The following ZBTB12 variants were observed in gnomAD, a reference collection of about 807,000 sequenced individuals.
The protein encoded by ZBTB12 is zinc finger and BTB domain containing 12.
In ZBTB12, 1 loss-of-function variant was observed where a neutral mutation model predicts 6.4. That is an observed-to-expected ratio of 0.16 (90% CI 0.06 to 0.74). The LOEUF is 0.74. Ranked by LOEUF, ZBTB12 falls within the 30% of genes least tolerant of loss-of-function variation. The pLI, the probability that ZBTB12 is intolerant of heterozygous loss-of-function variation, is 0.78. For missense variants in ZBTB12, 344 were observed against 613.9 expected (o/e 0.56, Z 4.65); for synonymous variants, 273 against 262.5 (o/e 1.04, Z -0.39).
rs1311934802 is a variant in ZBTB12 at position 31,900,489 on chromosome 6, C to T, written c.817G>A (p.Ala273Thr). Residue 273 changes from alanine (A) to threonine (T), a missense_variant, in exon 2 of 2, where the codon GCA becomes ACA. By Grantham distance (58) the Ala-to-Thr change is moderately conservative. Coordinates refer to ENST00000375527, the MANE Select transcript of ZBTB12 (RefSeq NM_181842.3). This position sits in a 1 kb window ranked among gnomAD's most constrained non-coding sequence, Gnocchi z 9.7. ...VKACYSLSED[A>T]EGEGLLLIPG... ...ATCAACAGCAGGCCCTCCCCTTCTG[C>T]ATCTTCCGACAGGCTATAGCAGGCC... 1 of 1,608,846 alleles carries T rather than the reference C, an allele frequency of 6.2e-7. No individual in the cohort carries two copies. Among genetic ancestry groups the T allele is most frequent in the Non-Finnish European group, 8.5e-7 (1 of 1,179,078 alleles).
Position 31,899,743 on chromosome 6 carries a change from G to A in ZBTB12, c.*183C>T. ...ACCCTTTTCCCAGCTCCAGATTCTT[G>A]CACTCTCAAGAGCAAGTCTCTCCAA... On this transcript the variant is annotated 3_prime_UTR_variant, in exon 2 of 2. Transcript: ENST00000375527. 3.1e-6 allele frequency: 2 copies of A among 643,630 alleles called. No individual in the cohort carries two copies. Among genetic ancestry groups the A allele is most frequent in the Non-Finnish European group, 5.1e-6 (2 of 390,314 alleles). The allele number at this position is 643,630 out of a possible 1,614,324, so 39.9% of individuals were successfully genotyped here. A position where few individuals can be genotyped will look rare whatever the true frequency, so the allele number is the denominator to read the frequency against.
chr6:31,900,894 C>T lies in ZBTB12; in HGVS notation c.412G>A (p.Val138Ile), dbSNP rs1767190714. The T allele has an allele frequency of 6.2e-7, 1 of 1,614,042 alleles. No individual in the cohort carries two copies. Among genetic ancestry groups the T allele is most frequent in the East Asian group, 2.2e-5 (1 of 44,880 alleles). ...EPKIGLKEDG[V>I]SEASLVSSIS... Reference sequence around the variant, plus strand: ...CTGCTCACAAGGCTAGCCTCACTGACCCCATCCTCTTTGAGGCCTATTTTG... The same window carrying T: ...CTGCTCACAAGGCTAGCCTCACTGATCCCATCCTCTTTGAGGCCTATTTTG... The change falls in exon 2 of 2, where the codon GTC becomes ATC. Residue 138 changes from valine (V) to isoleucine (I), a missense_variant. Coordinates refer to ENST00000375527, the MANE Select transcript of ZBTB12 (RefSeq NM_181842.3). The surrounding 1 kb of genome is among the most constrained non-coding windows in gnomAD (Gnocchi z 9.7).
In ZBTB12 at chr6:31,900,583, G is replaced by T; in HGVS notation, c.723C>A (p.Gly241=). ...TGCTCTGGGCCAGCTCCCCAAGGTG[G>T]CCACCCACGGAGCCTCCAATGCCCA... is the stretch of plus-strand genomic sequence containing the variant. The part of the protein sequence containing the change: ...GGLGIGGSVG[G]HLGELAQSSV... The change falls in exon 2 of 2, where the codon GGC becomes GGA. Residue 241 remains glycine (G), a synonymous_variant. Transcript: ENST00000375527. The surrounding 1 kb of genome is among the most constrained non-coding windows in gnomAD (Gnocchi z 9.7). 6.2e-7 allele frequency: 1 copy of T among 1,612,156 alleles called. No individual in the cohort carries two copies. The highest frequency in any genetic ancestry group is 8.5e-7 in the Non-Finnish European group (1 of 1,179,764).
chr6:31,901,645 G>A lies in ZBTB12; in HGVS notation c.-21+192C>T, dbSNP rs1196330947. On this transcript the variant is annotated intron_variant, in intron 1 of 1. Coordinates refer to ENST00000375527, the MANE Select transcript of ZBTB12 (RefSeq NM_181842.3). ...GGGCTCTGGACTCCAAGGTGGCCCC[G>A]GTTGCAGGCTCTTCTCACCCCGCCC... 1.9e-4 allele frequency among the ~76,000 whole-genome samples: 29 copies of A among 151,904 alleles called. No individual in the cohort carries two copies. In the East Asian group the frequency reaches 4.9e-3, roughly 26 times the overall value.
chr6:31,901,950 TGCACGGGACGCGCGCGCGCGCGGGGCC>T lies in ZBTB12; in HGVS notation c.-161_-135del, dbSNP rs1208574655. ...CCTGGGCAGCGCGCAGGCGCGGGGA[TGCACGGGACGCGCGCGCGCGCGGGGCC>T]GGCTCCGCGTGGGCGTAAGGGGGGA... On this transcript the variant is annotated 5_prime_UTR_variant, in exon 1 of 2. Coordinates refer to ENST00000375527, the MANE Select transcript of ZBTB12 (RefSeq NM_181842.3). The T allele has an allele frequency of 7.0e-6, 1 of 141,888 alleles. No homozygotes were observed. The highest frequency in any genetic ancestry group is 1.5e-5 in the Non-Finnish European group (1 of 65,306). The allele number at this position is 141,888 out of a possible 1,614,324, so 8.8% of individuals were successfully genotyped here. A position where few individuals can be genotyped will look rare whatever the true frequency, so the allele number is the denominator to read the frequency against.
At chr6:31,901,470 G>A in intron 1 of ZBTB12, 145 bp from the exon 2 acceptor site, 1 of 830,578 alleles carries the variant, frequency 1.2e-6, no homozygotes. Flanking sequence ...CCCAACCCTG[G>A]GGAGGTGCTG....
rs1174457152 is a variant in ZBTB12 at position 31,900,905 on chromosome 6, T to G, written c.401A>C (p.Lys134Thr). 16 of 1,614,118 alleles carry G rather than the reference T, an allele frequency of 9.9e-6. No homozygotes were observed. The highest frequency in any genetic ancestry group is 1.4e-5 in the Non-Finnish European group (16 of 1,180,022). The change falls in exon 2 of 2, where the codon AAA becomes ACA. Residue 134 changes from lysine (K) to threonine (T), a missense_variant. Physicochemically the swap from Lys to Thr is moderately conservative, Grantham distance 78. Around this residue, in one of 5 missense-constraint regions of ZBTB12, gnomAD observed 241 missense variants for 315.4 expected, o/e 0.76. Transcript: ENST00000375527. This position sits in a 1 kb window ranked among gnomAD's most constrained non-coding sequence, Gnocchi z 9.7. ...SQFIEPKIGL[K>T]EDGVSEASLV... ...GCTAGCCTCACTGACCCCATCCTCT[T>G]TGAGGCCTATTTTGGGCTCAATGAA...
chr6:31,900,794 G>A lies in ZBTB12; in HGVS notation c.512C>T (p.Pro171Leu). The change falls in exon 2 of 2, where the codon CCT becomes CTT. Residue 171 changes from proline to leucine, a missense_variant. Around this residue, in one of 5 missense-constraint regions of ZBTB12, gnomAD observed 241 missense variants for 315.4 expected, o/e 0.76. Transcript: ENST00000375527. This position sits in a 1 kb window ranked among gnomAD's most constrained non-coding sequence, Gnocchi z 9.7. ...TGGCCGCAGGAGTGGAGGGGGTAGA[G>A]GAGGTGGGGGTGGGGGCTTCGGGGC... is the stretch of plus-strand genomic sequence containing the variant. Reference protein sequence around the residue: ...KPAPKPPPPPPLPPPLLRPVK... With the variant: ...KPAPKPPPPPLLPPPLLRPVK... 6.3e-7 allele frequency: 1 copy of A among 1,598,308 alleles called. No homozygotes were observed. Among genetic ancestry groups the A allele is most frequent in the Non-Finnish European group, 8.5e-7 (1 of 1,171,382 alleles).
Position 31,900,933 on chromosome 6 carries a change from G to C in ZBTB12, c.373C>G (p.Gln125Glu). The C allele has an allele frequency of 6.2e-7, 1 of 1,614,186 alleles. No homozygotes were observed. Among genetic ancestry groups the C allele is most frequent in the Non-Finnish European group, 8.5e-7 (1 of 1,180,038 alleles). Reference protein sequence around the residue: ...VVEKCRNALSQFIEPKIGLKE... With the variant: ...VVEKCRNALSEFIEPKIGLKE... ...AGGCCTATTTTGGGCTCAATGAACT[G>C]GCTGAGGGCATTCCGGCATTTCTCC... The change falls in exon 2 of 2, where the codon CAG (glutamine) becomes GAG (glutamate). Residue 125 changes from glutamine to glutamate, a missense_variant. Coordinates refer to ENST00000375527, the MANE Select transcript of ZBTB12 (RefSeq NM_181842.3). This position sits in a 1 kb window ranked among gnomAD's most constrained non-coding sequence, Gnocchi z 9.7.
rs555290175 is a variant in ZBTB12 at position 31,900,332 on chromosome 6, G to A, written c.974C>T (p.Ser325Leu). The change falls in exon 2 of 2, where the codon TCA (serine) becomes TTA (leucine). Residue 325 changes from serine (S) to leucine (L), a missense_variant. By Grantham distance (145) the Ser-to-Leu change is moderately radical. This residue lies in a region of ZBTB12 where 241 missense variants were observed against 315.4 expected (regional missense o/e 0.76). Transcript: ENST00000375527. The surrounding 1 kb of genome is among the most constrained non-coding windows in gnomAD (Gnocchi z 9.7). ...GSRGPLPGGFSGGNPLKNIKC... is the reference protein window; with the variant it reads ...GSRGPLPGGFLGGNPLKNIKC... ...GATGTTCTTTAAGGGGTTTCCACCT[G>A]AGAAGCCCCCAGGCAGGGGTCCCCG... 5.0e-6 allele frequency: 8 copies of A among 1,610,594 alleles called. No homozygotes were observed. In the African/African-American group the frequency reaches 9.3e-5, roughly 19 times the overall value.
Position 31,900,706 on chromosome 6 carries a change from A to G in ZBTB12, c.600T>C (p.Asp200=). 2.5e-6 allele frequency: 4 copies of G among 1,605,122 alleles called. No homozygotes were observed. The highest frequency in any genetic ancestry group is 3.4e-6 in the Non-Finnish European group (4 of 1,175,332). ...AGATGTCAGACACGTCCTCATCCTC[A>G]TCCTCATCCTCTTCCTCGGCTTTCA... The part of the protein sequence containing the change: ...LELKAEEEDE[D]EDEDVSDICI... The change falls in exon 2 of 2, where the codon GAT becomes GAC. Residue 200 remains aspartate (D), a synonymous_variant. Transcript: ENST00000375527. The surrounding 1 kb of genome is among the most constrained non-coding windows in gnomAD (Gnocchi z 9.7).
Position 31,902,045 on chromosome 6 carries a change from CGCGGCG to C in ZBTB12, c.-235_-230del, listed in dbSNP as rs753112023. The C allele has an allele frequency of 1.3e-5, 2 of 150,514 alleles. No individual in the cohort carries two copies. The highest frequency in any genetic ancestry group is 2.0e-4 in the East Asian group (1 of 5,046). 9.3% of individuals were successfully genotyped at this position (150,514 alleles called of 1,614,324 possible). A position where few individuals can be genotyped will look rare whatever the true frequency, so the allele number is the denominator to read the frequency against. On this transcript the variant is annotated 5_prime_UTR_variant, in exon 1 of 2. Coordinates refer to ENST00000375527, the MANE Select transcript of ZBTB12 (RefSeq NM_181842.3). Reference sequence around the variant, plus strand: ...TGCCGTGTGTTCCAGGCCCCGCGCGCGCGGCGGCGGCGGCGTCGGCTAGGACTCGGG... The same window carrying C: ...TGCCGTGTGTTCCAGGCCCCGCGCGCGCGGCGGCGTCGGCTAGGACTCGGG...
rs749550904 is a variant in ZBTB12 at position 31,900,754 on chromosome 6, G to A, written c.552C>T (p.Phe184=). The change falls in exon 2 of 2, where the codon TTC becomes TTT. Residue 184 remains phenylalanine, a synonymous_variant. Transcript: ENST00000375527. The surrounding 1 kb of genome is among the most constrained non-coding windows in gnomAD (Gnocchi z 9.7). The part of the protein sequence containing the change: ...PPLLRPVKLE[F]PLDEDLELKA... Reference sequence around the variant, plus strand: ...TCAGCTCCAAGTCTTCATCCAGTGGGAACTCCAGCTTCACTGGCCGCAGGA... The same window carrying A: ...TCAGCTCCAAGTCTTCATCCAGTGGAAACTCCAGCTTCACTGGCCGCAGGA... 1.6e-5 allele frequency: 25 copies of A among 1,588,558 alleles called. No individual in the cohort carries two copies. In the South Asian group the frequency reaches 2.4e-4, roughly 15 times the overall value.
chr6:31,900,602 A>G lies in ZBTB12; in HGVS notation c.704T>C (p.Ile235Thr). 1 of 1,612,596 alleles carries G rather than the reference A, an allele frequency of 6.2e-7. No individual in the cohort carries two copies. Among genetic ancestry groups the G allele is most frequent in the South Asian group, 1.1e-5 (1 of 91,020 alleles). ...PPGGLGGGLG[I>T]GGSVGGHLGE... ...AAGGTGGCCACCCACGGAGCCTCCA[A>G]TGCCCAGACCCCCTCCCAGGCCTCC... Residue 235 changes from isoleucine (I) to threonine (T), a missense_variant, in exon 2 of 2, where the codon ATT becomes ACT. Transcript: ENST00000375527. This position sits in a 1 kb window ranked among gnomAD's most constrained non-coding sequence, Gnocchi z 9.7.
rs375600115 is a variant in ZBTB12 at position 31,900,643 on chromosome 6, G to C, written c.663C>G (p.His221Gln). ...CCAGGCCTCCAGGGGGTTTGAGCCG[G>C]TGTGCCACCTCCAGGGCCGACTCCA... is the stretch of plus-strand genomic sequence containing the variant. ...VKVESALEVA[H>Q]RLKPPGGLGG... Residue 221 changes from histidine (H) to glutamine (Q), a missense_variant, in exon 2 of 2, where the codon CAC becomes CAG. Around this residue, in one of 5 missense-constraint regions of ZBTB12, gnomAD observed 241 missense variants for 315.4 expected, o/e 0.76. Coordinates refer to ENST00000375527, the MANE Select transcript of ZBTB12 (RefSeq NM_181842.3). This position sits in a 1 kb window ranked among gnomAD's most constrained non-coding sequence, Gnocchi z 9.7. 1 of 1,612,798 alleles carries C rather than the reference G, an allele frequency of 6.2e-7. No individual in the cohort carries two copies. The highest frequency in any genetic ancestry group is 8.5e-7 in the Non-Finnish European group (1 of 1,180,026).
At chr6:31,901,401 A>G in intron 1 of ZBTB12, 76 bp from the exon 2 acceptor site, 1 of 1,332,374 alleles carries the variant, frequency 7.5e-7, no homozygotes, top group Admixed American at 2.7e-5. Flanking sequence ...CCTCGCCCCC[A>G]TTCTTGCCCA....
chr6:31,900,948 G>C lies in ZBTB12; in HGVS notation c.358C>G (p.Arg120Gly). The C allele has an allele frequency of 1.2e-6, 2 of 1,614,174 alleles. No individual in the cohort carries two copies. Among genetic ancestry groups the C allele is most frequent in the East Asian group, 2.2e-5 (1 of 44,886 alleles). The change falls in exon 2 of 2, where the codon CGG becomes GGG. Residue 120 changes from arginine (R) to glycine (G), a missense_variant. By Grantham distance (125) the Arg-to-Gly change is moderately radical. Coordinates refer to ENST00000375527, the MANE Select transcript of ZBTB12 (RefSeq NM_181842.3). The surrounding 1 kb of genome is among the most constrained non-coding windows in gnomAD (Gnocchi z 9.7). Reference protein sequence around the residue: ...LQMEHVVEKCRNALSQFIEPK... With the variant: ...LQMEHVVEKCGNALSQFIEPK... The stretch of plus-strand genomic sequence containing the variant: ...TCAATGAACTGGCTGAGGGCATTCC[G>C]GCATTTCTCCACCACGTGCTCCATC...
rs748840289 is a variant in ZBTB12 at position 31,900,322 on chromosome 6, G to A, written c.984C>T (p.Asn328=). The A allele has an allele frequency of 1.1e-5, 18 of 1,611,166 alleles. No homozygotes were observed. Among genetic ancestry groups the A allele is most frequent in the South Asian group, 4.4e-5 (4 of 91,000 alleles). The stretch of plus-strand genomic sequence containing the variant: ...TGGTGCACTTGATGTTCTTTAAGGG[G>A]TTTCCACCTGAGAAGCCCCCAGGCA... ...GPLPGGFSGG[N]PLKNIKCTKC... Residue 328 remains asparagine (N), a synonymous_variant, in exon 2 of 2, where the codon AAC becomes AAT. Coordinates refer to ENST00000375527, the MANE Select transcript of ZBTB12 (RefSeq NM_181842.3). The surrounding 1 kb of genome is among the most constrained non-coding windows in gnomAD (Gnocchi z 9.7).
chr6:31,901,158 T>C lies in ZBTB12; in HGVS notation c.148A>G (p.Ile50Val). 1 of 1,613,806 alleles carries C rather than the reference T, an allele frequency of 6.2e-7. No homozygotes were observed. Among genetic ancestry groups the C allele is most frequent in the Admixed American group, 1.7e-5 (1 of 60,028 alleles). Residue 50 changes from isoleucine to valine, a missense_variant, in exon 2 of 2, where the codon ATC becomes GTC. Physicochemically the swap from Ile to Val is conservative, Grantham distance 29. Around this residue, in one of 5 missense-constraint regions of ZBTB12, gnomAD observed 50 missense variants for 139.1 expected, o/e 0.36. Coordinates refer to ENST00000375527, the MANE Select transcript of ZBTB12 (RefSeq NM_181842.3). Reference protein sequence around the residue: ...DSLKFRGHKVILAACSPFLRD... With the variant: ...DSLKFRGHKVVLAACSPFLRD... The stretch of plus-strand genomic sequence containing the variant: ...AGGAAGGGTGAGCAGGCGGCCAAGA[T>C]GACCTTGTGGCCTCGAAACTTGAGG...
Sources: allele counts gnomAD v4.1 joint callset (sites outside exome capture counted in the v4.1 genomes callset), GRCh38; gene constraint gnomAD v4.1.1; regional missense constraint gnomAD v4.1.1; non-coding constraint Gnocchi (gnomAD v3.1); transcripts MANE v1.5; gene names NCBI Gene and HGNC (gene_info 2026-07-23, HGNC 2026-07-21).